The following RASGRP3 variants were observed in gnomAD, a reference collection of about 807,000 sequenced individuals.
The protein encoded by RASGRP3 is ras guanyl-releasing protein 3.
RASGRP3 carries 54 observed loss-of-function variants against 82.7 expected under a neutral mutation model. The ratio of observed to expected loss-of-function variants is 0.65; its 90% confidence interval spans 0.52 to 0.82. RASGRP3 has a LOEUF of 0.82. RASGRP3 is among the 40% of genes least tolerant of loss of function. The probability of loss-of-function intolerance (pLI) is 0.00; values close to 1 mark genes in which losing one functional copy is unlikely to be tolerated. For synonymous variants in RASGRP3, 309 were observed against 300.5 expected, an observed-to-expected ratio of 1.03 and a Z score of -0.29; for missense variants, 861 against 828.9, an observed-to-expected ratio of 1.04 and a Z score of -0.48.
intron 1 of RASGRP3, among the ~76,000 whole-genome samples, chr2:33,509,054 A>T (rs1037074502): frequency 6.6e-6 from 1 of 152,132 alleles, no homozygotes; most frequent in African/African-American, 2.4e-5. Flanking sequence ...CATTTCACCT[A>T]GGTTTGCTTG....
At chr2:33,524,075 G>C (rs997942303) in intron 8 of RASGRP3, 23 bp downstream of exon 8, 1 of 1,606,814 alleles carries the variant, frequency 6.2e-7, no homozygotes, top group Middle Eastern at 1.7e-4. Flanking sequence ...ATCAGACTGG[G>C]TTCTTGAGTT....
intron 9 of RASGRP3, among the ~76,000 whole-genome samples, chr2:33,525,535 A>G (rs1672459264): frequency 6.6e-6 from 1 of 151,836 alleles, no homozygotes; most frequent in Admixed American, 6.6e-5. Flanking sequence ...TAAAAGAAAA[A>G]GAAAAAAACT....
rs6760345 is a variant in RASGRP3 at position 33,462,209 on chromosome 2, G to T, written c.-261+14266G>T. The stretch of plus-strand genomic sequence containing the variant: ...GAAAGAAAGTGAGCATCATTCTCCA[G>T]CCAGTGCTAGTGAGCTGCCATGTGA... On this transcript the variant is annotated intron_variant, in intron 2 of 18. Coordinates refer to the RASGRP3 transcript ENST00000402538. Among the ~76,000 whole-genome samples, 1,052 of 152,206 alleles carry T rather than the reference G, an allele frequency of 6.9e-3. 12 individuals are homozygous for T. Among genetic ancestry groups the T allele is most frequent in the African/African-American group, 0.023 (950 of 41,512 alleles).
intron 2 of RASGRP3, chr2:33,513,741 A>G (rs1671156700): frequency 6.6e-6 from 1 of 152,218 alleles, no homozygotes; most frequent in African/African-American, 2.4e-5. Context: ...AAGCAACTAT[A>G]AGAGGCTATT....
intron 2 of RASGRP3, among the ~76,000 whole-genome samples, chr2:33,451,895 C>T (rs1041622313): frequency 6.6e-6 from 1 of 151,978 alleles, no homozygotes; most frequent in Non-Finnish European, 1.5e-5. Flanking sequence ...ATCCTATAGG[C>T]TTTTTTCATT....
chr2:33,480,852 A>G (rs1667828773), intron 1 of RASGRP3, among the ~76,000 whole-genome samples: 1 of 152,046 alleles, frequency 6.6e-6, no homozygotes, highest in South Asian at 2.1e-4. Context: ...GTTTCAAGTG[A>G]TTATTATAGC....
At chr2:33,507,914 A>G (rs971058014) in intron 1 of RASGRP3, among the ~76,000 whole-genome samples, 2 of 152,250 alleles carry the variant, frequency 1.3e-5, no homozygotes, top group Admixed American at 1.3e-4. Context: ...GAAACCAGTT[A>G]GTAATTGGTT....
intron 2 of RASGRP3, among the ~76,000 whole-genome samples, chr2:33,456,810 G>C (rs1328261957): frequency 6.6e-6 from 1 of 151,734 alleles, no homozygotes; most frequent in African/African-American, 2.4e-5. Flanking sequence ...TTGTAAACTT[G>C]TTTTACTTAA....
chr2:33,442,133 A>G (rs1665256622), intron 1 of RASGRP3, among the ~76,000 whole-genome samples: 1 of 152,232 alleles, frequency 6.6e-6, no homozygotes, highest in South Asian at 2.1e-4. Flanking sequence ...AGAGCTAAAA[A>G]GTCATACACC....
chr2:33,442,805 G>A (rs114563157), intron 1 of RASGRP3, among the ~76,000 whole-genome samples: 3,476 of 152,158 alleles, frequency 0.023, 49 homozygotes, highest in Middle Eastern at 0.068. Context: ...AGGGGAGCCC[G>A]TCTCAGCTTT....
chr2:33,475,129 C>G (rs148927142), upstream of RASGRP3, among the ~76,000 whole-genome samples: 1,556 of 152,288 alleles, frequency 0.01, 24 homozygotes, highest in African/African-American at 0.037. Flanking sequence ...AACAAAAATG[C>G]CTGTGAGGGA....
chr2:33,537,305 T>TACCC (rs1673712391), intron 11 of RASGRP3, among the ~76,000 whole-genome samples: 1 of 59,630 alleles, frequency 1.7e-5, no homozygotes, highest in Non-Finnish European at 3.0e-5. Flanking sequence ...GTCTCTAAAA[T>TACCC]ACACACACAC....
intron 17 of RASGRP3, 78 bp downstream of exon 17, chr2:33,559,108 G>A (rs1372240576): frequency 5.7e-6 from 7 of 1,234,042 alleles, no homozygotes; most frequent in East Asian, 2.5e-5. Flanking sequence ...CAGAGGGTCT[G>A]GGGGGCAGCC....
chr2:33,478,552 A>C (rs1403544188), intron 1 of RASGRP3, among the ~76,000 whole-genome samples: 1 of 152,154 alleles, frequency 6.6e-6, no homozygotes, highest in Non-Finnish European at 1.5e-5. Context: ...GAATTATCCA[A>C]CTGCTGTATT....
intron 2 of RASGRP3, among the ~76,000 whole-genome samples, chr2:33,452,668 G>A (rs186922055): frequency 6.6e-6 from 1 of 152,210 alleles, no homozygotes; most frequent in Non-Finnish European, 1.5e-5. Context: ...TGGAGCCTGA[G>A]TCCACACAAG....
At chr2:33,475,274 C>A (rs1250957125), upstream of RASGRP3, among the ~76,000 whole-genome samples, 1 of 152,202 alleles carries the variant, frequency 6.6e-6, no homozygotes, top group Non-Finnish European at 1.5e-5. Flanking sequence ...AAGTTGACAA[C>A]AAATTACTGC....
At chr2:33,492,616 G>A (rs13391694) in intron 1 of RASGRP3, among the ~76,000 whole-genome samples, 63,107 of 151,956 alleles carry the variant, frequency 0.42, 13,901 homozygotes, top group African/African-American at 0.56. Flanking sequence ...GGGACACCAG[G>A]CTTCTCTTTC....
At chr2:33,469,706 C>T (rs11680566) in intron 2 of RASGRP3, among the ~76,000 whole-genome samples, 54,082 of 151,960 alleles carry the variant, frequency 0.36, 11,658 homozygotes, top group Non-Finnish European at 0.47. Flanking sequence ...GATGATCTGC[C>T]CACCTCGGCC....
At chr2:33,548,383 AG>A (rs1675032651) in intron 13 of RASGRP3, among the ~76,000 whole-genome samples, 1 of 141,924 alleles carries the variant, frequency 7.0e-6, no homozygotes, top group South Asian at 2.1e-4. Flanking sequence ...AAAAAAAAAA[AG>A]AAGGTAGAAA....
Sources: gnomAD v4.1 joint callset for allele counts (sites outside exome capture counted in the v4.1 genomes callset) on GRCh38, gnomAD v4.1.1 for gene constraint, MANE v1.5 for transcripts, NCBI Gene and HGNC (gene_info 2026-07-23, HGNC 2026-07-21) for gene names.